DUSP14: variants seen among roughly 807,000 people sequenced by gnomAD.
The protein encoded by DUSP14 is dual specificity phosphatase 14, also known as dual specificity protein phosphatase 14.
DUSP14 carries 5 observed loss-of-function variants against 13.2 expected under a neutral mutation model. The ratio of observed to expected loss-of-function variants is 0.38; its 90% CI spans 0.20 to 0.80. The LOEUF (loss-of-function observed/expected upper bound fraction) is 0.80, where lower values mean the gene tolerates loss of function less well. Among genes scored for constraint, DUSP14 ranks in the 30% least tolerant of loss-of-function variants. The probability of loss-of-function intolerance (pLI) is 0.44; values close to 1 mark genes in which losing one functional copy is unlikely to be tolerated. For missense variants in DUSP14, 185 were observed against 264.0 expected, an observed-to-expected ratio of 0.70 and a Z score of 2.07; for synonymous variants, 91 against 103.4, an observed-to-expected ratio of 0.88 and a Z score of 0.73.
rs1401945126 is a variant in DUSP14 at position 37,512,941 on chromosome 17, T to C, written c.*72T>C. The C allele has an allele frequency of 7.7e-7, 1 of 1,293,528 alleles. No individual in the cohort carries two copies. The highest frequency in any genetic ancestry group is 1.1e-6 in the Non-Finnish European group (1 of 927,000). The allele number at this position is 1,293,528 out of a possible 1,614,324, so 80.1% of individuals were successfully genotyped here. A position where few individuals can be genotyped will look rare whatever the true frequency, so the allele number is the denominator to read the frequency against. ...TCCCCGCCGTCTGCTCCCTCTCCAC[T>C]CTCTTCTCAAATGGCTGACTTCTGG... On this transcript the variant is annotated 3_prime_UTR_variant, in exon 3 of 3. Coordinates refer to ENST00000617516, the MANE Select transcript of DUSP14 (RefSeq NM_007026.4). The surrounding 1 kb of genome is among the most constrained non-coding windows in gnomAD (Gnocchi z 4.8).
At chr17:37,506,580 G>C (rs79189550) in intron 1 of DUSP14, among the ~76,000 whole-genome samples, 5 of 152,076 alleles carry the variant, frequency 3.3e-5, no homozygotes, top group Admixed American at 1.3e-4. Context: ...CCTCAAATAC[G>C]GGTCAAACTC....
chr17:37,509,869 A>G (rs1191335881), intron 1 of DUSP14: 1 of 152,166 alleles, frequency 6.6e-6, no homozygotes, highest in Non-Finnish European at 1.5e-5. Flanking sequence ...ATCAAGTTGT[A>G]TAGCAGTTTA....
intron 1 of DUSP14, among the ~76,000 whole-genome samples, chr17:37,495,817 G>A (rs978957627): frequency 2.6e-4 from 39 of 151,856 alleles, no homozygotes; most frequent in Non-Finnish European, 4.3e-4. Context: ...ATGCCACCAC[G>A]CCCAGCTAAT....
At chr17:37,510,825 A>G (rs2054178724) in intron 2 of DUSP14, 61 bp downstream of exon 2, 1 of 151,846 alleles carries the variant, frequency 6.6e-6, no homozygotes, top group African/African-American at 2.4e-5. Flanking sequence ...GACTGAAATC[A>G]CTGCAGGCTT....
chr17:37,505,305 C>T (rs953813799), intron 1 of DUSP14, among the ~76,000 whole-genome samples: 2 of 152,154 alleles, frequency 1.3e-5, no homozygotes, highest in Admixed American at 1.3e-4. Flanking sequence ...GAGATCAAGG[C>T]TATAGTGACC....
intron 1 of DUSP14, among the ~76,000 whole-genome samples, chr17:37,495,043 G>A (rs1188815929): frequency 6.6e-6 from 1 of 152,208 alleles, no homozygotes; most frequent in Non-Finnish European, 1.5e-5. Flanking sequence ...GACACCCAAA[G>A]GAGGAGGAGT....
Position 37,512,245 on chromosome 17 carries a change from C to A in DUSP14, c.-28C>A, listed in dbSNP as rs199659159. 2 of 1,551,264 alleles carry A rather than the reference C, an allele frequency of 1.3e-6. No homozygotes were observed. Among genetic ancestry groups the A allele is most frequent in the Admixed American group, 3.9e-5 (2 of 51,652 alleles). ...TAAAACACTCTGGTCTTGCCGCCAA[C>A]GATGCAAGTGTGACTGCTGGCGTCT... is the stretch of plus-strand genomic sequence containing the variant. On this transcript the variant is annotated 5_prime_UTR_variant, in exon 3 of 3. Coordinates refer to ENST00000617516, the MANE Select transcript of DUSP14 (RefSeq NM_007026.4). This position sits in a 1 kb window ranked among gnomAD's most constrained non-coding sequence, Gnocchi z 4.8.
chr17:37,490,426 G>A (rs1437146098), intron 1 of DUSP14, among the ~76,000 whole-genome samples: 1 of 152,232 alleles, frequency 6.6e-6, no homozygotes, highest in Non-Finnish European at 1.5e-5. Context: ...GCGATGCCAA[G>A]TGTCCAACTT....
At chr17:37,506,080 T>C (rs973193401) in intron 1 of DUSP14, among the ~76,000 whole-genome samples, 11 of 152,080 alleles carry the variant, frequency 7.2e-5, no homozygotes, top group African/African-American at 2.4e-4. Context: ...CTGAGCAACA[T>C]GGCAAAACTC....
At chr17:37,494,295 T>C (rs979968846) in intron 1 of DUSP14, among the ~76,000 whole-genome samples, 16 of 152,204 alleles carry the variant, frequency 1.1e-4, no homozygotes, top group African/African-American at 3.9e-4. Flanking sequence ...ACCCAGCCTT[T>C]AAATCTTTTA....
chr17:37,502,768 C>G (rs1266997282), intron 1 of DUSP14, among the ~76,000 whole-genome samples: 2 of 152,150 alleles, frequency 1.3e-5, no homozygotes, highest in African/African-American at 4.8e-5. Context: ...GGCTTCCTCA[C>G]AGCATGGCAG....
At chr17:37,502,899 G>A (rs1017488102) in intron 1 of DUSP14, among the ~76,000 whole-genome samples, 3 of 152,082 alleles carry the variant, frequency 2.0e-5, no homozygotes, top group African/African-American at 4.8e-5. Context: ...TAAAGACAGC[G>A]TCGTTCTGTC....
intron 1 of DUSP14, among the ~76,000 whole-genome samples, chr17:37,494,197 G>A (rs2054048572): frequency 6.6e-6 from 1 of 152,068 alleles, no homozygotes; most frequent in East Asian, 1.9e-4. Flanking sequence ...GTTTCACCAT[G>A]TTAGTCAGAA....
chr17:37,496,058 C>T (rs1426347133), intron 1 of DUSP14, among the ~76,000 whole-genome samples: 1 of 152,152 alleles, frequency 6.6e-6, no homozygotes, highest in Non-Finnish European at 1.5e-5. Flanking sequence ...AAGAATTTTG[C>T]CAATTTAGCT....
At position 37,512,284 on chromosome 17, in the gene DUSP14, A is replaced by T. The variant is rs1266324044; in HGVS notation, c.12A>T (p.Arg4Ser). Residue 4 changes from arginine to serine, a missense_variant, in exon 3 of 3, where the codon AGA becomes AGT. Transcript: ENST00000617516. The surrounding 1 kb of genome is among the most constrained non-coding windows in gnomAD (Gnocchi z 4.8). MSS[R>S]GHSTLPRTLM... ...CTGCTGGCGTCTTCATGAGCTCCAGAGGTCACAGCACGCTACCAAGGACTC... is the reference window on the plus strand; with the variant it reads ...CTGCTGGCGTCTTCATGAGCTCCAGTGGTCACAGCACGCTACCAAGGACTC... 6 of 1,603,780 alleles carry T rather than the reference A, an allele frequency of 3.7e-6. No homozygotes were observed. Among genetic ancestry groups the T allele is most frequent in the Non-Finnish European group, 5.1e-6 (6 of 1,172,980 alleles).
rs2054014394 is a variant in DUSP14 at position 37,489,917 on chromosome 17, A to T, written c.-222A>T. The T allele has an allele frequency of 8.0e-6, 1 of 125,368 alleles. No homozygotes were observed. Among genetic ancestry groups the T allele is most frequent in the African/African-American group, 3.1e-5 (1 of 32,236 alleles). The allele number at this position is 125,368 out of a possible 1,614,324, so 7.8% of individuals were successfully genotyped here. A position where few individuals can be genotyped will look rare whatever the true frequency, so the allele number is the denominator to read the frequency against. On this transcript the variant is annotated 5_prime_UTR_variant, in exon 1 of 3. Coordinates refer to ENST00000617516, the MANE Select transcript of DUSP14 (RefSeq NM_007026.4). ...CAGAAGCCGGTGGCCGCGCAGGAGG[A>T]CGGAGCCCTAACCGCAACCCGCTCC...
upstream of DUSP14, among the ~76,000 whole-genome samples, chr17:37,489,491 A>G (rs2054010031): frequency 6.6e-6 from 1 of 152,040 alleles, no homozygotes. Flanking sequence ...GCGGCTTCAC[A>G]CCTGTATCGG....
intron 1 of DUSP14, among the ~76,000 whole-genome samples, chr17:37,499,537 T>G (rs540292944): frequency 2.0e-5 from 3 of 151,798 alleles, no homozygotes; most frequent in African/African-American, 4.8e-5. Context: ...TTGTTTGTTT[T>G]TTGTTTTTTG....
upstream of DUSP14, chr17:37,489,843 C>T (rs2054013400): frequency 6.8e-6 from 1 of 147,278 alleles, no homozygotes; most frequent in Non-Finnish European, 1.5e-5. Flanking sequence ...CGGCCCGCCC[C>T]GGGCGCGGGC....
Sources: gnomAD v4.1 joint callset for allele counts (sites outside exome capture counted in the v4.1 genomes callset) on GRCh38, gnomAD v4.1.1 for gene constraint, Gnocchi (gnomAD v3.1) non-coding constraint, MANE v1.5 for transcripts, NCBI Gene and HGNC (gene_info 2026-07-23, HGNC 2026-07-21) for gene names.